The following CIT variants were observed in gnomAD, a reference collection of about 807,000 sequenced individuals.
CIT encodes citron Rho-interacting kinase.
In CIT, 79 loss-of-function variants were observed where a neutral mutation model predicts 272.7. The ratio of observed to expected loss-of-function variants is 0.29; its 90% CI spans 0.24 to 0.35. The LOEUF (loss-of-function observed/expected upper bound fraction) is 0.35. Ranked by LOEUF, CIT falls within the 10% of genes least tolerant of loss-of-function variation. CIT has a pLI of 1.00. For synonymous variants in CIT, 948 were observed against 995.6 expected, an observed-to-expected ratio of 0.95 and a Z score of 0.90; for missense variants, 1,909 against 2,618.3, an observed-to-expected ratio of 0.73 and a Z score of 5.91.
At chr12:119,750,623 G>T (rs1441914818) in intron 23 of CIT, among the ~76,000 whole-genome samples, 1 of 151,916 alleles carries the variant, frequency 6.6e-6, no homozygotes, top group Admixed American at 6.6e-5. Context: ...CTAAACCTTG[G>T]ACTGGTCCTA....
rs1333508204 is a variant in CIT, at chr12:119,752,092, T to C, written c.2862A>G (p.Glu954=). The C allele has an allele frequency of 1.9e-6, 3 of 1,612,824 alleles. No individual in the cohort carries two copies. The highest frequency in any genetic ancestry group is 2.5e-6 in the Non-Finnish European group (3 of 1,180,022). The change falls in exon 23 of 48, where the codon GAA becomes GAG. Residue 954 remains glutamate, a synonymous_variant. Transcript: ENST00000392521. ...SQLRQAKTEL[E]ETTAEAEEEI... ...CCTCTTCAGCTTCTGCTGTGGTCTC[T>C]TCCAGCTCTGTCTTCGCCTGGCGAA...
In CIT at chr12:119,712,268, G is replaced by T. The variant is rs187589584; in HGVS notation, c.4764C>A (p.Pro1588=). The T allele has an allele frequency of 6.2e-7, 1 of 1,614,170 alleles. No homozygotes were observed. The highest frequency in any genetic ancestry group is 8.5e-7 in the Non-Finnish European group (1 of 1,180,002). The change falls in exon 37 of 48, where the codon CCC becomes CCA. Residue 1588 remains proline, a synonymous_variant. Transcript: ENST00000392521. This position sits in a 1 kb window ranked among gnomAD's most constrained non-coding sequence, Gnocchi z 5.2. ...CCCAGCGCTGTTTGTCAGGGAAGCT[G>T]GGAGCTAGCAAGTAGAGGGTTCTCC... is the stretch of plus-strand genomic sequence containing the variant. ...WPGRTLYLLA[P]SFPDKQRWVT...
chr12:119,721,243 A>G (rs1957803367), intron 29 of CIT, 66 bp downstream of exon 29: 8 of 1,445,868 alleles, frequency 5.5e-6, no homozygotes, highest in Non-Finnish European at 7.5e-6. Flanking sequence ...CTGGGATTAC[A>G]GGCATGAGCC....
At chr12:119,702,108 C>CTTTT in intron 41 of CIT, 150 bp from the exon 42 acceptor site, 1 of 549,476 alleles carries the variant, frequency 1.8e-6, no homozygotes, top group Non-Finnish European at 3.2e-6. Context: ...AGCCATTCAT[C>CTTTT]TTTTTTTTTT....
In CIT at chr12:119,876,067, T is replaced by C; in HGVS notation, c.96+6A>G. The C allele has an allele frequency of 6.2e-7, 1 of 1,605,522 alleles. No homozygotes were observed. The highest frequency in any genetic ancestry group is 8.5e-7 in the Non-Finnish European group (1 of 1,172,528). ...GGTGAGCAAAGTTGGCAGGGTAGGC[T>C]GTTACCTGGAAGAACAGATTCAGCC... On this transcript the variant is annotated splice_donor_region_variant and intron_variant, in intron 2 of 47. Coordinates refer to ENST00000392521, the MANE Select transcript of CIT (RefSeq NM_001206999.2).
At chr12:119,693,560 C>T (rs538419092) in intron 46 of CIT, among the ~76,000 whole-genome samples, 1 of 152,284 alleles carries the variant, frequency 6.6e-6, no homozygotes, top group African/African-American at 2.4e-5. Flanking sequence ...GGAAAAAAAT[C>T]TAATTACAAT....
At position 119,734,181 on chromosome 12, in the gene CIT, G is replaced by C; in HGVS notation, c.3333C>G (p.Asp1111Glu). ...CRVRELQRML[D>E]TEKQSRARAD... ...AGCCCCACCTGCTCTGTTTCTCGGT[G>C]TCCAGCATTCTCTGCAGCTCTCGAA... Residue 1111 changes from aspartate (D) to glutamate (E), a missense_variant, in exon 26 of 48, where the codon GAC (aspartate) becomes GAG (glutamate). By Grantham distance (45) the Asp-to-Glu change is conservative. Coordinates refer to ENST00000392521, the MANE Select transcript of CIT (RefSeq NM_001206999.2). The C allele has an allele frequency of 6.2e-7, 1 of 1,613,492 alleles. No individual in the cohort carries two copies. Among genetic ancestry groups the C allele is most frequent in the Non-Finnish European group, 8.5e-7 (1 of 1,179,930 alleles).
intron 9 of CIT, among the ~76,000 whole-genome samples, chr12:119,812,415 C>T (rs2137956405): frequency 6.6e-6 from 1 of 152,126 alleles, no homozygotes; most frequent in Admixed American, 6.5e-5. Flanking sequence ...CTTTAGTACC[C>T]TTTTATCTCT....
rs761591161 is a variant in CIT at position 119,779,989 on chromosome 12, T to A, written c.1665+2529A>T. 3.3e-5 allele frequency among the ~76,000 whole-genome samples: 5 copies of A among 152,284 alleles called. No individual in the cohort carries two copies. The East Asian group carries it at 5.8e-4, about 18-fold the overall frequency. ...AGAGCTGTGGTATCTCAGGATGGAA[T>A]GAAAGACTGGTAGGTGTGAGTCAGG... On this transcript the variant is annotated intron_variant, in intron 13 of 47. Coordinates refer to ENST00000392521, the MANE Select transcript of CIT (RefSeq NM_001206999.2).
At chr12:119,847,783 C>T (rs1969920648) in intron 5 of CIT, among the ~76,000 whole-genome samples, 1 of 151,918 alleles carries the variant, frequency 6.6e-6, no homozygotes, top group Admixed American at 6.6e-5. Context: ...CCCAGCTACT[C>T]GGGAGGCTGA....
At chr12:119,775,713 T>C in intron 16 of CIT, 73 bp downstream of exon 16, 1 of 1,193,900 alleles carries the variant, frequency 8.4e-7, no homozygotes, top group Admixed American at 1.8e-5. Flanking sequence ...TCTTTCGTGC[T>C]CTGGGACAAG....
intron 12 of CIT, chr12:119,782,843 C>A: frequency 2.0e-6 from 1 of 494,984 alleles, no homozygotes; most frequent in Non-Finnish European, 3.5e-6. Flanking sequence ...AACCTGGTGA[C>A]CTTAGGGATC....
rs192896091 is a variant in CIT, at chr12:119,849,226, C to A, written c.516+948G>T. 2.1e-3 allele frequency among the ~76,000 whole-genome samples: 320 copies of A among 152,140 alleles called. 2 individuals are homozygous for A. The highest frequency in any genetic ancestry group is 7.3e-3 in the African/African-American group (301 of 41,510). ...TGGATCATTTGAGGTCAGGAGTTTG[C>A]GGCCAGCCCGGCCAACGTGGTAAAA... On this transcript the variant is annotated intron_variant, in intron 5 of 47. Coordinates refer to ENST00000392521, the MANE Select transcript of CIT (RefSeq NM_001206999.2).
At chr12:119,698,316 G>A (rs1054543761) in intron 44 of CIT, 21 of 442,812 alleles carry the variant, frequency 4.7e-5, no homozygotes, top group African/African-American at 2.4e-4. Context: ...CTGGCTGGGC[G>A]TGGTGGCTCA....
chr12:119,707,587 C>T (rs1368246556), intron 40 of CIT, among the ~76,000 whole-genome samples: 2 of 152,062 alleles, frequency 1.3e-5, no homozygotes, highest in Admixed American at 6.5e-5. Context: ...CTGCAACCTC[C>T]GCCTCCTGGG....
chr12:119,819,041 G>A (rs555407588), intron 9 of CIT, among the ~76,000 whole-genome samples: 8 of 152,290 alleles, frequency 5.3e-5, no homozygotes, highest in African/African-American at 1.2e-4. Context: ...AGATCAGGCT[G>A]GGTACAGCCA....
At position 119,757,550 on chromosome 12, in the gene CIT, TG is replaced by T. The variant is rs34851548; in HGVS notation, c.2532-6del. 425,714 of 1,613,674 alleles carry T rather than the reference TG, an allele frequency of 0.26. 58,977 individuals are homozygous for T. The highest frequency in any genetic ancestry group is 0.31 in the Middle Eastern group (1,882 of 6,060). ...ATCATCTCTTCTTGGGCCTTCCTGG[TG>T]GGGGTGGTGGGAGGATCCAAACAAA... On this transcript the variant is annotated splice_region_variant and splice_polypyrimidine_tract_variant and intron_variant, in intron 21 of 47. Coordinates refer to ENST00000392521, the MANE Select transcript of CIT (RefSeq NM_001206999.2).
At chr12:119,832,245 A>G (rs1292297146) in intron 7 of CIT, among the ~76,000 whole-genome samples, 2 of 152,184 alleles carry the variant, frequency 1.3e-5, no homozygotes, top group Admixed American at 6.5e-5. Flanking sequence ...TGATCTCAGT[A>G]GCTACCCTCC....
rs1565899289 is a variant in CIT at position 119,697,800 on chromosome 12, C to T, written c.5741G>A (p.Arg1914His). ...TGAGGAAATGGCAGGGCCCAGGTAG[C>T]GCGGGTTCGGGATGTCCAGGTACGC... ...ARAYLDIPNP[R>H]YLGPAISSGA... Residue 1914 changes from arginine (R) to histidine (H), a missense_variant, in exon 46 of 48, where the codon CGC becomes CAC. By Grantham distance (29) the Arg-to-His change is conservative. Around this residue, in one of 8 missense-constraint regions of CIT, gnomAD observed 780 missense variants for 1,067.2 expected, o/e 0.73. Coordinates refer to ENST00000392521, the MANE Select transcript of CIT (RefSeq NM_001206999.2). This position sits in a 1 kb window ranked among gnomAD's most constrained non-coding sequence, Gnocchi z 4.9. 1.1e-5 allele frequency: 18 copies of T among 1,614,122 alleles called. No homozygotes were observed. In the Middle Eastern group the frequency reaches 5.0e-4, roughly 44 times the overall value.
Sources: gnomAD v4.1 joint callset for allele counts (sites outside exome capture counted in the v4.1 genomes callset) on GRCh38, gnomAD v4.1.1 for gene constraint, gnomAD v4.1.1 regional missense constraint, Gnocchi (gnomAD v3.1) non-coding constraint, MANE v1.5 for transcripts, NCBI Gene and HGNC (gene_info 2026-07-23, HGNC 2026-07-21) for gene names.